Variants in ZNF395 observed in about 807,000 individuals in gnomAD.
The protein encoded by ZNF395 is HD gene regulatory region-binding protein 2.
In ZNF395, 20 loss-of-function variants were observed where a neutral mutation model predicts 57.7. That is an observed-to-expected ratio of 0.35 (90% CI 0.24 to 0.50). The LOEUF (loss-of-function observed/expected upper bound fraction) is 0.50. Ranked by LOEUF, ZNF395 falls within the 20% of genes least tolerant of loss-of-function variation. ZNF395 has a pLI of 0.97. For synonymous variants in ZNF395, 295 were observed against 275.9 expected (o/e 1.07, Z -0.69); for missense variants, 606 against 671.2 (o/e 0.90, Z 1.07).
chr8:28,381,605 C>T (rs955653205), intron 1 of ZNF395, among the ~76,000 whole-genome samples: 3 of 152,186 alleles, frequency 2.0e-5, no homozygotes, highest in Non-Finnish European at 2.9e-5. Flanking sequence ...TCAGACTATT[C>T]TAGGTCACAG....
rs1208559455 is a variant in ZNF395 at position 28,360,917 on chromosome 8, G to T, written c.208C>A (p.Leu70Ile). 2 of 1,613,864 alleles carry T rather than the reference G, an allele frequency of 1.2e-6. No homozygotes were observed. Among genetic ancestry groups the T allele is most frequent in the African/African-American group, 2.7e-5 (2 of 74,930 alleles). ...EVLKAPSTSG[L>I]QQVAFQPGQK... is the part of the protein sequence containing the mutation. ...CCAGGCTGAAAGGCCACCTGCTGAA[G>T]GCCCGAGGTGCTGGGAGCCTTAAGG... The change falls in exon 2 of 10, where the codon CTT (leucine) becomes ATT (isoleucine). Residue 70 changes from leucine to isoleucine, a missense_variant. By Grantham distance (5) the Leu-to-Ile change is conservative. Transcript: ENST00000344423.
Position 28,347,497 on chromosome 8 carries a change from C to T in ZNF395, c.*1222G>A, listed in dbSNP as rs1304704314. 6.6e-6 allele frequency: 1 copy of T among 152,382 alleles called. No individual in the cohort carries two copies. Among genetic ancestry groups the T allele is most frequent in the Non-Finnish European group, 1.5e-5 (1 of 68,168 alleles). The allele number at this position is 152,382 out of a possible 1,614,324, so 9.4% of individuals were successfully genotyped here. A position where few individuals can be genotyped will look rare whatever the true frequency, so the allele number is the denominator to read the frequency against. On this transcript the variant is annotated 3_prime_UTR_variant, in exon 10 of 10. Transcript: ENST00000344423. ...CCTCCCTCCTTCTCCCCAAGAACAG[C>T]TCTGCTTATCGACATGCACGCAGCC...
intron 1 of ZNF395, among the ~76,000 whole-genome samples, chr8:28,375,537 G>A (rs1250029352): frequency 6.6e-6 from 1 of 152,158 alleles, no homozygotes; most frequent in African/African-American, 2.4e-5. Flanking sequence ...CATCTGGGGT[G>A]ATGGAAATGT....
intron 1 of ZNF395, chr8:28,385,024 T>C (rs1802154742): frequency 6.6e-6 from 1 of 152,324 alleles, no homozygotes; most frequent in Admixed American, 6.5e-5. Context: ...TGCTTCTGTT[T>C]ACACAACGCC....
At chr8:28,358,692 G>A (rs1228371609) in intron 3 of ZNF395, among the ~76,000 whole-genome samples, 1 of 152,168 alleles carries the variant, frequency 6.6e-6, no homozygotes, top group Non-Finnish European at 1.5e-5. Flanking sequence ...CCAAAGTGGT[G>A]GAGTTACAGG....
At chr8:28,353,096 G>C (rs6558057) in intron 5 of ZNF395, 77 bp downstream of exon 5, 1,361,749 of 1,438,680 alleles carry the variant, frequency 0.95, 644,891 homozygotes, top group East Asian at 1. Context: ...AGGGTCCCCT[G>C]CTCTCCACGG....
chr8:28,348,456 A>G lies in ZNF395; in HGVS notation c.*263T>C. ...ACGGAGGGTAATTAATTCTTTGGTC[A>G]CTGGTTCACTGCTGAATAGCCTTGG... On this transcript the variant is annotated 3_prime_UTR_variant, in exon 10 of 10. Transcript: ENST00000344423. 2 of 430,392 alleles carry G rather than the reference A, an allele frequency of 4.6e-6. No individual in the cohort carries two copies. Among genetic ancestry groups the G allele is most frequent in the South Asian group, 4.3e-5 (2 of 46,852 alleles). 26.7% of individuals were successfully genotyped at this position (430,392 alleles called of 1,614,324 possible).
At chr8:28,385,527 G>A (rs576842339) in intron 1 of ZNF395, 1 of 151,064 alleles carries the variant, frequency 6.6e-6, no homozygotes, top group African/African-American at 2.4e-5. Flanking sequence ...GGGCGGGAGG[G>A]ACGCGGGTCG....
intron 1 of ZNF395, among the ~76,000 whole-genome samples, chr8:28,379,674 A>G (rs1802086059): frequency 6.6e-6 from 1 of 152,054 alleles, no homozygotes; most frequent in Non-Finnish European, 1.5e-5. Flanking sequence ...CTGTGACTCT[A>G]GTTTCTGACC....
chr8:28,362,986 A>G (rs1188444250), intron 1 of ZNF395, among the ~76,000 whole-genome samples: 1 of 152,324 alleles, frequency 6.6e-6, no homozygotes, highest in Non-Finnish European at 1.5e-5. Flanking sequence ...CTAGTTAGGT[A>G]TCTGGTAACT....
In ZNF395 at chr8:28,367,129, T is replaced by C. The variant is rs974087456; in HGVS notation, c.-58-5947A>G. 2.6e-5 allele frequency among the ~76,000 whole-genome samples: 4 copies of C among 151,884 alleles called. No individual in the cohort carries two copies. The South Asian group carries it at 6.2e-4, about 24-fold the overall frequency. Reference sequence around the variant, plus strand: ...GTGGATTCTCAGGGCATTCTAATTATTGTCTTTTTCTGAAGGTTTTAAAAA... The same window carrying C: ...GTGGATTCTCAGGGCATTCTAATTACTGTCTTTTTCTGAAGGTTTTAAAAA... On this transcript the variant is annotated intron_variant, in intron 1 of 9. Coordinates refer to ENST00000344423, the MANE Select transcript of ZNF395 (RefSeq NM_018660.3).
Position 28,351,797 on chromosome 8 carries a change from C to G in ZNF395, c.931G>C (p.Asp311His), listed in dbSNP as rs150160656. ...TCCTCCCGCTTGAACTGATCAGAGTCCACTGTGTCCCTGTGTGGGAGGGAG... is the reference window on the plus strand; with the variant it reads ...TCCTCCCGCTTGAACTGATCAGAGTGCACTGTGTCCCTGTGTGGGAGGGAG... Reference protein sequence around the residue: ...VKALHLGDTVDSDQFKREEDF... With the variant: ...VKALHLGDTVHSDQFKREEDF... Residue 311 changes from aspartate to histidine, a missense_variant, in exon 7 of 10, where the codon GAC becomes CAC. Around this residue, in one of 3 missense-constraint regions of ZNF395, gnomAD observed 261 missense variants for 240.3 expected, o/e 1.09. Coordinates refer to ENST00000344423, the MANE Select transcript of ZNF395 (RefSeq NM_018660.3). The G allele has an allele frequency of 1.3e-6, 2 of 1,550,354 alleles. No homozygotes were observed. The highest frequency in any genetic ancestry group is 1.7e-6 in the Non-Finnish European group (2 of 1,150,350).
At position 28,353,279 on chromosome 8, in the gene ZNF395, CTGGCCTGGGGGTGGGGGGGCGAGGGGG is replaced by C; in HGVS notation, c.686_712del (p.Thr229_Ala237del). 1 of 1,382,364 alleles carries C rather than the reference CTGGCCTGGGGGTGGGGGGGCGAGGGGG, an allele frequency of 7.2e-7. No homozygotes were observed. Among genetic ancestry groups the C allele is most frequent in the Non-Finnish European group, 9.8e-7 (1 of 1,017,280 alleles). 85.6% of individuals were successfully genotyped at this position (1,382,364 alleles called of 1,614,324 possible). A position where few individuals can be genotyped will look rare whatever the true frequency, so the allele number is the denominator to read the frequency against. Reference sequence around the variant, plus strand: ...AAAAGCATCCCCCAAATACTTGGGGCTGGCCTGGGGGTGGGGGGGCGAGGGGGTGGAGACACCACTGCTCCCACTCCA... The same window carrying C: ...AAAAGCATCCCCCAAATACTTGGGGCTGGAGACACCACTGCTCCCACTCCA... On this transcript the variant is annotated inframe_deletion, in exon 5 of 10. Coordinates refer to ENST00000344423, the MANE Select transcript of ZNF395 (RefSeq NM_018660.3).
intron 1 of ZNF395, among the ~76,000 whole-genome samples, chr8:28,364,079 CT>C (rs1196057457): frequency 2.6e-5 from 4 of 152,200 alleles, no homozygotes; most frequent in African/African-American, 9.7e-5. Flanking sequence ...GAGGTACTAG[CT>C]TTCATAAATT....
intron 2 of ZNF395, among the ~76,000 whole-genome samples, chr8:28,360,680 C>A (rs896716700): frequency 6.6e-6 from 1 of 152,252 alleles, no homozygotes; most frequent in African/African-American, 2.4e-5. Flanking sequence ...CTTCTACAGA[C>A]AACACTGTGG....
At chr8:28,374,776 G>T (rs1356393186) in intron 1 of ZNF395, among the ~76,000 whole-genome samples, 4 of 152,218 alleles carry the variant, frequency 2.6e-5, no homozygotes, top group Non-Finnish European at 5.9e-5. Flanking sequence ...AGTAATTCCA[G>T]TTCTTCCAAC....
At chr8:28,358,411 G>A (rs1317504515) in intron 3 of ZNF395, among the ~76,000 whole-genome samples, 1 of 151,740 alleles carries the variant, frequency 6.6e-6, no homozygotes, top group Non-Finnish European at 1.5e-5. Flanking sequence ...CACTCAGCCT[G>A]TTTGTTTGTT....
intron 1 of ZNF395, among the ~76,000 whole-genome samples, chr8:28,377,440 T>C (rs532011635): frequency 3.7e-4 from 56 of 152,320 alleles, no homozygotes; most frequent in African/African-American, 1.3e-3. Flanking sequence ...AAATTTATTG[T>C]CTGATATAAA....
Position 28,351,788 on chromosome 8 carries a change from G to C in ZNF395, c.940C>G (p.Gln314Glu). 6.4e-7 allele frequency: 1 copy of C among 1,563,328 alleles called. No homozygotes were observed. Among genetic ancestry groups the C allele is most frequent in the Non-Finnish European group, 8.6e-7 (1 of 1,157,658 alleles). Residue 314 changes from glutamine (Q) to glutamate (E), a missense_variant, in exon 7 of 10, where the codon CAG becomes GAG. Physicochemically the swap from Gln to Glu is conservative, Grantham distance 29. This residue lies in a region of ZNF395 where 261 missense variants were observed against 240.3 expected (regional missense o/e 1.09). Coordinates refer to ENST00000344423, the MANE Select transcript of ZNF395 (RefSeq NM_018660.3). The part of the protein sequence containing the change: ...LHLGDTVDSD[Q>E]FKREEDFYYT... ...TAGAAATCCTCCTCCCGCTTGAACT[G>C]ATCAGAGTCCACTGTGTCCCTGTGT...
Sources: gnomAD v4.1 joint callset for allele counts (sites outside exome capture counted in the v4.1 genomes callset) on GRCh38, gnomAD v4.1.1 for gene constraint, gnomAD v4.1.1 regional missense constraint, MANE v1.5 for transcripts, NCBI Gene and HGNC (gene_info 2026-07-23, HGNC 2026-07-21) for gene names.